Variants in UTRN observed in about 807,000 individuals in gnomAD.
The protein encoded by UTRN is utrophin, also known as dystrophin-related protein 1.
A neutral mutation model predicts 463.9 loss-of-function variants in UTRN; 283 were observed. The ratio of observed to expected loss-of-function variants is 0.61; its 90% CI spans 0.55 to 0.67. The LOEUF (loss-of-function observed/expected upper bound fraction) is 0.67. Ranked by LOEUF, UTRN falls within the 30% of genes least tolerant of loss-of-function variation. The probability of loss-of-function intolerance (pLI) is 0.00; values close to 1 mark genes in which losing one functional copy is unlikely to be tolerated. For synonymous variants in UTRN, 1,442 were observed against 1,431.5 expected, an observed-to-expected ratio of 1.01 and a Z score of -0.17; for missense variants, 3,922 against 4,084.3, an observed-to-expected ratio of 0.96 and a Z score of 1.08.
Position 144,682,589 on chromosome 6 carries a change from C to G in UTRN, c.7652+4011C>G, listed in dbSNP as rs144034173. Among the ~76,000 whole-genome samples the G allele has an allele frequency of 1.2e-3, 186 of 152,276 alleles. 1 individual carries two copies. The highest frequency in any genetic ancestry group is 4.2e-3 in the African/African-American group (176 of 41,548). ...TCTCCATAGTGTTTATATTAACTTA[C>G]ATTCCCACCAACAGTTCACAAGGGT... On this transcript the variant is annotated intron_variant, in intron 52 of 74. Transcript: ENST00000367545.
intron 10 of UTRN, among the ~76,000 whole-genome samples, chr6:144,437,290 C>A (rs1786658051): frequency 1.3e-5 from 2 of 152,110 alleles, no homozygotes; most frequent in East Asian, 1.9e-4. Context: ...TGTTCATGAT[C>A]TATGAGTAGC....
At chr6:144,828,914 C>A in intron 69 of UTRN, 59 bp downstream of exon 69, 1 of 1,564,004 alleles carries the variant, frequency 6.4e-7, no homozygotes, top group South Asian at 1.1e-5. Flanking sequence ...TTATGGCTGT[C>A]AGAAACAATC....
At chr6:144,389,969 T>C (rs1781766125) in intron 2 of UTRN, among the ~76,000 whole-genome samples, 1 of 152,188 alleles carries the variant, frequency 6.6e-6, no homozygotes, top group Admixed American at 6.5e-5. Context: ...TGGAGTAATA[T>C]TGGTCAAAGA....
chr6:144,468,602 G>A (rs572152888), intron 23 of UTRN, among the ~76,000 whole-genome samples: 179 of 152,074 alleles, frequency 1.2e-3, no homozygotes, highest in Non-Finnish European at 1.2e-3. Context: ...ATGTGTGTGT[G>A]TGTGTGTGTG....
At chr6:144,297,321 G>C (rs1804815652) in intron 2 of UTRN, among the ~76,000 whole-genome samples, 1 of 152,170 alleles carries the variant, frequency 6.6e-6, no homozygotes, top group Admixed American at 6.5e-5. Context: ...TACATTTATA[G>C]CAAGCCTCCT....
At chr6:144,794,012 G>T (rs751343211) in intron 63 of UTRN, 21 bp downstream of exon 63, 1 of 1,612,542 alleles carries the variant, frequency 6.2e-7, no homozygotes, top group East Asian at 2.2e-5. Flanking sequence ...AGGATCACTG[G>T]TGTGTAGGAT....
At position 144,522,055 on chromosome 6, in the gene UTRN, C is replaced by T; in HGVS notation, c.5617C>T (p.Leu1873=). Residue 1873 remains leucine, a synonymous_variant, in exon 40 of 75, where the codon CTG becomes TTG. Transcript: ENST00000367545. The stretch of plus-strand genomic sequence containing the variant: ...ATCATCACTTCTTCCTACAGATTAT[C>T]TGGTTGAAATTAACAAAATTTTACT... The part of the protein sequence containing the change: ...IRSSLLPTDY[L]VEINKILLCM... 1.9e-6 allele frequency: 3 copies of T among 1,592,938 alleles called. No individual in the cohort carries two copies. The highest frequency in any genetic ancestry group is 1.8e-5 in the Admixed American group (1 of 56,620).
chr6:144,716,762 T>A lies in UTRN; in HGVS notation c.7810-13595T>A, dbSNP rs1367719328. Among the ~76,000 whole-genome samples the A allele has an allele frequency of 2.6e-5, 4 of 152,218 alleles. No homozygotes were observed. The East Asian group carries it at 5.8e-4, about 22-fold the overall frequency. On this transcript the variant is annotated intron_variant, in intron 53 of 74. Coordinates refer to ENST00000367545, the MANE Select transcript of UTRN (RefSeq NM_007124.3). ...TGCATAGTTTTACTTGGGTGCAGAG[T>A]TTTTATGTCATCTTTTTCACTTAGA... is the stretch of plus-strand genomic sequence containing the variant.
At chr6:144,353,631 GA>G (rs1231895350) in intron 2 of UTRN, among the ~76,000 whole-genome samples, 1 of 152,096 alleles carries the variant, frequency 6.6e-6, no homozygotes, top group Non-Finnish European at 1.5e-5. Context: ...CTAGGAATTA[GA>G]AATAAGAAAA....
chr6:144,429,801 A>T, intron 9 of UTRN, 60 bp downstream of exon 9: 1 of 1,551,236 alleles, frequency 6.4e-7, no homozygotes. Context: ...CCTAGGTACT[A>T]GATAAAAACA....
At position 144,593,878 on chromosome 6, in the gene UTRN, T is replaced by G. The variant is rs117308692; in HGVS notation, c.7479+16590T>G. ...TCAAAGGAAAAATATTTGTGAATAT[T>G]GGAGATACTCAAACACAGACAGCAT... On this transcript the variant is annotated intron_variant, in intron 51 of 74. Transcript: ENST00000367545. Among the ~76,000 whole-genome samples the G allele has an allele frequency of 8.6e-3, 1,304 of 152,274 alleles. 12 individuals are homozygous for G. The highest frequency in any genetic ancestry group is 0.028 in the South Asian group (137 of 4,818).
intron 74 of UTRN, among the ~76,000 whole-genome samples, chr6:144,848,056 G>C (rs1053913661): frequency 2.0e-5 from 3 of 152,298 alleles, no homozygotes; most frequent in Admixed American, 1.3e-4. Context: ...TGTGAAGTAG[G>C]CTAGGGGTGT....
chr6:144,344,557 C>G (rs373225186), intron 2 of UTRN, among the ~76,000 whole-genome samples: 15 of 152,252 alleles, frequency 9.9e-5, no homozygotes, highest in South Asian at 6.2e-4. Context: ...TTGGAAGAAG[C>G]CTTCCAGGAT....
chr6:144,800,612 A>C (rs1777617855), intron 64 of UTRN, among the ~76,000 whole-genome samples: 1 of 152,090 alleles, frequency 6.6e-6, no homozygotes, highest in Admixed American at 6.5e-5. Flanking sequence ...GCCTGCTTGA[A>C]CCTGAGTTTC....
At chr6:144,512,383 A>G (rs546766251) in intron 35 of UTRN, among the ~76,000 whole-genome samples, 2 of 152,278 alleles carry the variant, frequency 1.3e-5, no homozygotes, top group East Asian at 1.9e-4. Context: ...TACCTGCTTA[A>G]TAGGGGTAAA....
intron 23 of UTRN, among the ~76,000 whole-genome samples, 171 bp from the exon 24 acceptor site, chr6:144,473,548 GA>G (rs1207616289): frequency 1.3e-5 from 2 of 152,266 alleles, no homozygotes; most frequent in East Asian, 3.9e-4. Flanking sequence ...AGTCAAGAAT[GA>G]AGAAAATAAT....
intron 39 of UTRN, among the ~76,000 whole-genome samples, chr6:144,519,633 A>G (rs1225565800): frequency 2.6e-5 from 4 of 152,004 alleles, no homozygotes; most frequent in African/African-American, 9.7e-5. Context: ...CTCTTGGGGG[A>G]AAAAAATCTA....
At chr6:144,292,846 G>A (rs1261375299) in intron 2 of UTRN, among the ~76,000 whole-genome samples, 3 of 152,184 alleles carry the variant, frequency 2.0e-5, no homozygotes, top group Non-Finnish European at 4.4e-5. Context: ...TGTTCTGTTA[G>A]GAGCTTGTTT....
At chr6:144,478,166 AAGAT>A (rs1791449299) in intron 25 of UTRN, among the ~76,000 whole-genome samples, 1 of 152,196 alleles carries the variant, frequency 6.6e-6, no homozygotes, top group Non-Finnish European at 1.5e-5. Context: ...TCAACAAACA[AAGAT>A]AGTCTATTTC....
Sources: gnomAD v4.1 joint callset for allele counts (sites outside exome capture counted in the v4.1 genomes callset) on GRCh38, gnomAD v4.1.1 for gene constraint, MANE v1.5 for transcripts, NCBI Gene and HGNC (gene_info 2026-07-23, HGNC 2026-07-21) for gene names.